Variants in TBC1D14 observed in about 807,000 individuals in gnomAD.
The protein encoded by TBC1D14 is TBC1 domain family, member 14.
Under a neutral mutation model 79.0 loss-of-function variants are expected in TBC1D14, and 26 were observed. That is an observed-to-expected ratio of 0.33 (90% CI 0.24 to 0.46). The LOEUF (loss-of-function observed/expected upper bound fraction) is 0.46, where lower values mean the gene tolerates loss of function less well. TBC1D14 is among the 20% of genes least tolerant of loss of function. TBC1D14 has a pLI of 1.00. For missense variants in TBC1D14, 769 were observed against 887.6 expected (o/e 0.87, Z 1.70); for synonymous variants, 394 against 349.9 (o/e 1.13, Z -1.40).
intron 2 of TBC1D14, among the ~76,000 whole-genome samples, chr4:6,948,310 T>A (rs1324587034): frequency 3.3e-5 from 5 of 152,206 alleles, no homozygotes; most frequent in Non-Finnish European, 7.3e-5. Context: ...TCACCACACA[T>A]GAGCTCTGCC....
At chr4:6,978,448 C>T (rs1026172096) in intron 3 of TBC1D14, among the ~76,000 whole-genome samples, 4 of 150,038 alleles carry the variant, frequency 2.7e-5, no homozygotes, top group Non-Finnish European at 5.9e-5. Context: ...TACCCCCAAC[C>T]CTGTGCTCTC....
At chr4:6,918,739 G>A (rs4689558) in intron 1 of TBC1D14, among the ~76,000 whole-genome samples, 69,171 of 151,954 alleles carry the variant, frequency 0.46, 16,220 homozygotes, top group East Asian at 0.66. Context: ...TTGATCTGCT[G>A]GAGTGTTGAT....
At chr4:7,001,441 C>T in intron 7 of TBC1D14, 190 bp downstream of exon 7, 1 of 568,462 alleles carries the variant, frequency 1.8e-6, no homozygotes, top group Non-Finnish European at 3.1e-6. Flanking sequence ...CTCCGGTTAC[C>T]TGACAGCTCA....
chr4:6,994,222 C>T lies in TBC1D14; in HGVS notation c.882C>T (p.Pro294=). The change falls in exon 4 of 14, where the codon CCC becomes CCT. Residue 294 remains proline, a synonymous_variant. Transcript: ENST00000409757. ...AGGCTGGAAGACCTAGCAAGCCACCCTCTCCAAAGCAGAATGTGAGGAAGA... is the reference window on the plus strand; with the variant it reads ...AGGCTGGAAGACCTAGCAAGCCACCTTCTCCAAAGCAGAATGTGAGGAAGA... ...EDKAGRPSKP[P]SPKQNVRKNL... is the part of the protein sequence containing the mutation. The T allele has an allele frequency of 6.2e-7, 1 of 1,614,196 alleles. No individual in the cohort carries two copies. The highest frequency in any genetic ancestry group is 1.3e-5 in the African/African-American group (1 of 75,050).
chr4:6,990,065 T>C (rs1308364333), intron 3 of TBC1D14, among the ~76,000 whole-genome samples: 3 of 152,276 alleles, frequency 2.0e-5, no homozygotes, highest in African/African-American at 7.2e-5. Context: ...TGTATTTATG[T>C]ACTGTGTTTT....
intron 1 of TBC1D14, among the ~76,000 whole-genome samples, chr4:6,920,549 A>G (rs1405598830): frequency 2.0e-5 from 3 of 152,212 alleles, no homozygotes; most frequent in African/African-American, 7.2e-5. Context: ...ACGCCCAAGC[A>G]GGAGTGGTTA....
chr4:7,028,260 A>G (rs1221947453), intron 13 of TBC1D14, among the ~76,000 whole-genome samples: 1 of 152,106 alleles, frequency 6.6e-6, no homozygotes, highest in South Asian at 2.1e-4. Flanking sequence ...TTAAACCCAG[A>G]TCAGCCATTT....
chr4:6,921,801 A>G (rs1020427318), intron 1 of TBC1D14, among the ~76,000 whole-genome samples: 1 of 151,026 alleles, frequency 6.6e-6, no homozygotes, highest in African/African-American at 2.4e-5. Context: ...GGTTCAAGCA[A>G]TTCTCCTGCC....
rs115439352 is a variant in TBC1D14 at position 6,984,257 on chromosome 4, A to G, written c.844-9927A>G. ...GAGCCTCAGTATCCTCTGCAGAGGT[A>G]GTGCTCACATTGCCTATGCTCGTGA... On this transcript the variant is annotated intron_variant, in intron 3 of 13. Transcript: ENST00000409757. Among the ~76,000 whole-genome samples the G allele has an allele frequency of 5.7e-3, 867 of 152,290 alleles. 13 individuals carry two copies. Among genetic ancestry groups the G allele is most frequent in the African/African-American group, 0.02 (839 of 41,546 alleles).
At chr4:6,969,070 T>G (rs1290598491) in intron 3 of TBC1D14, among the ~76,000 whole-genome samples, 2 of 152,190 alleles carry the variant, frequency 1.3e-5, no homozygotes, top group Non-Finnish European at 2.9e-5. Flanking sequence ...TAAATTTGGT[T>G]TGAGTGTTGT....
chr4:6,983,029 A>T (rs899909082), intron 3 of TBC1D14, among the ~76,000 whole-genome samples: 6 of 149,194 alleles, frequency 4.0e-5, no homozygotes, highest in African/African-American at 1.2e-4. Flanking sequence ...ACTTAAAAGA[A>T]TTTTTTTTTT....
At chr4:6,945,381 C>G (rs997154061) in intron 2 of TBC1D14, among the ~76,000 whole-genome samples, 2 of 151,930 alleles carry the variant, frequency 1.3e-5, no homozygotes, top group Non-Finnish European at 2.9e-5. Flanking sequence ...GTTGGCGTAG[C>G]TTGAAAAAAA....
At chr4:7,023,903 G>A (rs1020248021) in intron 12 of TBC1D14, among the ~76,000 whole-genome samples, 3 of 152,194 alleles carry the variant, frequency 2.0e-5, no homozygotes, top group African/African-American at 4.8e-5. Context: ...CTGGCTCTCC[G>A]TTCCCTCCTC....
chr4:6,998,176 A>G (rs925930871), intron 5 of TBC1D14, among the ~76,000 whole-genome samples: 2 of 152,058 alleles, frequency 1.3e-5, no homozygotes, highest in Non-Finnish European at 2.9e-5. Context: ...CCTGGCCAAC[A>G]TGGTAAAACC....
At chr4:6,953,629 CAAAAAAAA>C (rs750667631) in intron 2 of TBC1D14, among the ~76,000 whole-genome samples, 7 of 55,040 alleles carry the variant, frequency 1.3e-4, no homozygotes, top group South Asian at 1.3e-3. Context: ...GACTCCGTCT[CAAAAAAAA>C]AAAAAAAAAA....
At chr4:6,910,787 T>A (rs187628383) in intron 1 of TBC1D14, among the ~76,000 whole-genome samples, 67 of 152,286 alleles carry the variant, frequency 4.4e-4, no homozygotes, top group African/African-American at 1.4e-3. Context: ...GTCCTAAAGT[T>A]GCATAGGACG....
intron 5 of TBC1D14, among the ~76,000 whole-genome samples, chr4:6,996,708 G>C (rs1577142387): frequency 2.0e-5 from 3 of 152,312 alleles, no homozygotes; most frequent in African/African-American, 7.2e-5. Flanking sequence ...CATCCCAGAA[G>C]CCCCCAGGGC....
At chr4:7,015,573 A>G (rs939768282) in intron 12 of TBC1D14, among the ~76,000 whole-genome samples, 15 of 152,070 alleles carry the variant, frequency 9.9e-5, no homozygotes, top group African/African-American at 3.6e-4. Flanking sequence ...TGCTGTGGTG[A>G]AAGGGGTTGC....
chr4:6,964,002 G>A (rs1293170073), intron 2 of TBC1D14, among the ~76,000 whole-genome samples: 1 of 152,060 alleles, frequency 6.6e-6, no homozygotes, highest in African/African-American at 2.4e-5. Flanking sequence ...TCGCCATGTT[G>A]CCCATGTGGT....
Sources: allele counts gnomAD v4.1 joint callset (sites outside exome capture counted in the v4.1 genomes callset), GRCh38; gene constraint gnomAD v4.1.1; transcripts MANE v1.5; gene names NCBI Gene and HGNC (gene_info 2026-07-23, HGNC 2026-07-21).